The following RBMS3 variants were observed in gnomAD, a reference collection of about 807,000 sequenced individuals.
The protein encoded by RBMS3 is RNA-binding motif, single-stranded-interacting protein 3.
A neutral mutation model predicts 66.8 loss-of-function variants in RBMS3; 27 were observed. That is an observed-to-expected ratio of 0.40 (90% CI 0.30 to 0.56). The LOEUF (loss-of-function observed/expected upper bound fraction) is 0.56. Ranked by LOEUF, RBMS3 falls within the 20% of genes least tolerant of loss-of-function variation. The pLI is 0.40. For missense variants in RBMS3, 513 were observed against 549.5 expected (o/e 0.93, Z 0.66); for synonymous variants, 188 against 183.0 (o/e 1.03, Z -0.22).
intron 4 of RBMS3, among the ~76,000 whole-genome samples, chr3:29,676,865 C>A (rs2051280240): frequency 6.6e-6 from 1 of 152,072 alleles, no homozygotes; most frequent in Admixed American, 6.6e-5. Context: ...TCTTTGCTTG[C>A]TGTATTAGTC....
intron 1 of RBMS3, among the ~76,000 whole-genome samples, chr3:29,338,698 C>CCTCCT (rs145928823): frequency 1.8e-5 from 2 of 114,266 alleles, no homozygotes; most frequent in African/African-American, 3.6e-5. Context: ...CTCCTCTCCT[C>CCTCCT]CTCCTCTCCT....
chr3:29,640,150 G>A (rs1440227583), intron 4 of RBMS3, among the ~76,000 whole-genome samples: 1 of 151,696 alleles, frequency 6.6e-6, no homozygotes. Context: ...AGCAGATACA[G>A]ATGTGTAACT....
chr3:29,584,942 A>G (rs2047459984), intron 3 of RBMS3, among the ~76,000 whole-genome samples: 1 of 152,142 alleles, frequency 6.6e-6, no homozygotes, highest in African/African-American at 2.4e-5. Flanking sequence ...AAAACTTTCA[A>G]TAGTGAACAA....
intron 1 of RBMS3, among the ~76,000 whole-genome samples, chr3:29,331,097 G>A (rs969408795): frequency 2.6e-5 from 4 of 152,088 alleles, no homozygotes; most frequent in Non-Finnish European, 4.4e-5. Context: ...CCCAGAAACC[G>A]AATTGATTAT....
intron 11 of RBMS3, among the ~76,000 whole-genome samples, chr3:29,941,709 C>G (rs1281797002): frequency 6.6e-6 from 1 of 151,384 alleles, no homozygotes; most frequent in Non-Finnish European, 1.5e-5. Context: ...AAAAAAGCCT[C>G]AATAGATAAA....
intron 1 of RBMS3, among the ~76,000 whole-genome samples, chr3:29,359,385 C>T (rs1187841953): frequency 6.6e-6 from 1 of 152,194 alleles, no homozygotes. Flanking sequence ...CCTTGCATCC[C>T]AGGGATGAAG....
intron 6 of RBMS3, among the ~76,000 whole-genome samples, chr3:29,850,012 T>G (rs970822304): frequency 1.3e-5 from 2 of 152,194 alleles, no homozygotes; most frequent in African/African-American, 4.8e-5. Flanking sequence ...CTGGTAAAGA[T>G]ACGAGGTAGG....
At chr3:29,505,142 C>T (rs1192495227) in intron 3 of RBMS3, among the ~76,000 whole-genome samples, 1 of 152,062 alleles carries the variant, frequency 6.6e-6, no homozygotes, top group East Asian at 1.9e-4. Context: ...AGACCAATGT[C>T]ACAGAGCTTT....
At chr3:29,566,896 G>A (rs2046763989) in intron 3 of RBMS3, among the ~76,000 whole-genome samples, 2 of 152,036 alleles carry the variant, frequency 1.3e-5, no homozygotes. Context: ...TTTATCATAT[G>A]CAAGTTATAT....
At chr3:29,536,983 G>A (rs2045578302) in intron 3 of RBMS3, among the ~76,000 whole-genome samples, 1 of 152,156 alleles carries the variant, frequency 6.6e-6, no homozygotes, top group Admixed American at 6.5e-5. Flanking sequence ...AATGTTATAA[G>A]ACAGGAAAAA....
chr3:29,816,959 T>TTACATGGG (rs2057924983), intron 6 of RBMS3, among the ~76,000 whole-genome samples: 1 of 151,874 alleles, frequency 6.6e-6, no homozygotes, highest in Non-Finnish European at 1.5e-5. Flanking sequence ...GGCATGGTGG[T>TTACATGGG]GCACACCCGT....
chr3:29,853,462 A>G (rs1395427555), intron 6 of RBMS3, among the ~76,000 whole-genome samples: 1 of 113,276 alleles, frequency 8.8e-6, no homozygotes, highest in African/African-American at 4.3e-5. Flanking sequence ...GCAAGATTTA[A>G]TAGAGTGAAA....
At chr3:29,660,904 G>A (rs2050518355) in intron 4 of RBMS3, among the ~76,000 whole-genome samples, 2 of 152,330 alleles carry the variant, frequency 1.3e-5, no homozygotes, top group Non-Finnish European at 1.5e-5. Flanking sequence ...CCACCAATGG[G>A]AAGAAGTGCA....
intron 10 of RBMS3, among the ~76,000 whole-genome samples, chr3:29,931,096 T>G (rs1187246678): frequency 6.6e-6 from 1 of 152,144 alleles, no homozygotes; most frequent in Non-Finnish European, 1.5e-5. Context: ...TTCAACCCTT[T>G]CAGAATAAAC....
At chr3:29,701,673 G>A (rs1422297636) in intron 4 of RBMS3, among the ~76,000 whole-genome samples, 1 of 152,070 alleles carries the variant, frequency 6.6e-6, no homozygotes, top group African/African-American at 2.4e-5. Flanking sequence ...ACTCGGAGAG[G>A]CTGGCCGGCG....
chr3:29,861,119 T>C (rs2059205188), intron 6 of RBMS3, among the ~76,000 whole-genome samples: 1 of 152,240 alleles, frequency 6.6e-6, no homozygotes, highest in African/African-American at 2.4e-5. Flanking sequence ...GTTTCATTTT[T>C]TCAATTGAGA....
chr3:29,887,404 C>A (rs922085943), intron 8 of RBMS3, among the ~76,000 whole-genome samples: 8 of 151,740 alleles, frequency 5.3e-5, no homozygotes, highest in African/African-American at 1.9e-4. Flanking sequence ...CCATGCTATT[C>A]TCATGATAGT....
intron 10 of RBMS3, among the ~76,000 whole-genome samples, chr3:29,922,215 C>T (rs1321967580): frequency 6.6e-6 from 1 of 152,094 alleles, no homozygotes; most frequent in African/African-American, 2.4e-5. Context: ...AGGCCGGGCA[C>T]GGTGGCTCAC....
chr3:29,961,734 C>G (rs1696461998), intron 12 of RBMS3, among the ~76,000 whole-genome samples: 1 of 151,768 alleles, frequency 6.6e-6, no homozygotes, highest in African/African-American at 2.4e-5. Context: ...AGAACTCACT[C>G]ACTATCCTGA....
Sources: gnomAD v4.1 joint callset for allele counts (sites outside exome capture counted in the v4.1 genomes callset) on GRCh38, gnomAD v4.1.1 for gene constraint, MANE v1.5 for transcripts, NCBI Gene and HGNC (gene_info 2026-07-23, HGNC 2026-07-21) for gene names.